Variants in NRG1 observed in about 807,000 individuals in gnomAD.
NRG1 encodes neuregulin 1, also known as pro-neuregulin-1, membrane-bound isoform.
In NRG1, 18 loss-of-function variants were observed where a neutral mutation model predicts 63.8. The ratio of observed to expected loss-of-function variants is 0.28; its 90% CI spans 0.19 to 0.42. The LOEUF (loss-of-function observed/expected upper bound fraction) is 0.42, where lower values mean the gene tolerates loss of function less well. Among genes scored for constraint, NRG1 ranks in the 10% least tolerant of loss-of-function variants. The pLI, the probability that NRG1 is intolerant of heterozygous loss-of-function variation, is 1.00. For missense variants in NRG1, 762 were observed against 814.7 expected (o/e 0.94, Z 0.79); for synonymous variants, 302 against 301.3 (o/e 1.00, Z -0.02).
intron 1 of NRG1, among the ~76,000 whole-genome samples, chr8:32,358,839 A>G (rs1806824050): frequency 1.3e-5 from 2 of 152,178 alleles, no homozygotes; most frequent in South Asian, 2.1e-4. Context: ...ACACTTAAAG[A>G]TCAAGAAGAA....
intron 1 of NRG1, among the ~76,000 whole-genome samples, chr8:31,981,731 TG>T (rs1251493091): frequency 1.3e-5 from 2 of 152,068 alleles, no homozygotes; most frequent in East Asian, 3.9e-4. Flanking sequence ...AAAAACAGCA[TG>T]GTCATGGGGT....
intron 1 of NRG1, among the ~76,000 whole-genome samples, chr8:31,995,961 T>C (rs1811900087): frequency 6.6e-6 from 1 of 151,998 alleles, no homozygotes; most frequent in Admixed American, 6.6e-5. Context: ...CAAAGCCCCT[T>C]TGAAATGCTA....
chr8:32,390,158 G>A (rs568934868), intron 1 of NRG1, among the ~76,000 whole-genome samples: 44 of 152,050 alleles, frequency 2.9e-4, no homozygotes, highest in Non-Finnish European at 5.6e-4. Context: ...CTTAAAAGAC[G>A]CCATGTTCTC....
intron 1 of NRG1, among the ~76,000 whole-genome samples, chr8:31,831,932 C>T (rs941765853): frequency 6.6e-6 from 1 of 152,110 alleles, no homozygotes; most frequent in Non-Finnish European, 1.5e-5. Context: ...CAAAGGATGA[C>T]AATGACCATA....
chr8:32,283,628 G>T (rs1325464954), intron 1 of NRG1, among the ~76,000 whole-genome samples: 1 of 152,160 alleles, frequency 6.6e-6, no homozygotes, highest in Non-Finnish European at 1.5e-5. Context: ...AGATTAAGAG[G>T]TAGAGGAACA....
At chr8:32,603,344 C>A (rs1304634049) in intron 2 of NRG1, among the ~76,000 whole-genome samples, 1 of 152,158 alleles carries the variant, frequency 6.6e-6, no homozygotes, top group African/African-American at 2.4e-5. Flanking sequence ...CTGAGAAATC[C>A]TGTGAGATTA....
chr8:32,048,394 CATGTACATGAATATGAATAT>C (rs1266582621), intron 1 of NRG1, among the ~76,000 whole-genome samples: 2 of 142,326 alleles, frequency 1.4e-5, no homozygotes, highest in African/African-American at 5.2e-5. Flanking sequence ...AATATATATA[CATGTACATGAATATGAATAT>C]ATGTACATGC....
chr8:32,767,986 A>C (rs1365180554), downstream of NRG1: 2 of 152,250 alleles, frequency 1.3e-5, no homozygotes, highest in African/African-American at 4.8e-5. Flanking sequence ...AGCAGACTAC[A>C]GCTTCAGTCT....
chr8:32,698,215 A>AT (rs1387645502), intron 5 of NRG1, among the ~76,000 whole-genome samples: 56 of 151,760 alleles, frequency 3.7e-4, no homozygotes, highest in African/African-American at 1.2e-3. Context: ...AAAAAAAAAA[A>AT]ATATATGAAA....
At chr8:32,654,623 T>G (rs112978289) in intron 5 of NRG1, among the ~76,000 whole-genome samples, 1 of 77,342 alleles carries the variant, frequency 1.3e-5, no homozygotes, top group African/African-American at 4.2e-5. Flanking sequence ...AGTCAGACTC[T>G]GCCTCAAAAA....
At chr8:32,283,852 A>G (rs1249696465) in intron 1 of NRG1, among the ~76,000 whole-genome samples, 1 of 152,132 alleles carries the variant, frequency 6.6e-6, no homozygotes, top group African/African-American at 2.4e-5. Context: ...TCTGTTGATG[A>G]TGCATCCACC....
chr8:31,859,766 A>G lies in NRG1; in HGVS notation c.37+220335A>G, dbSNP rs1259598598. Among the ~76,000 whole-genome samples, 4 of 152,246 alleles carry G rather than the reference A, an allele frequency of 2.6e-5. No homozygotes were observed. The South Asian group carries it at 8.3e-4, about 31-fold the overall frequency. On this transcript the variant is annotated intron_variant, in intron 1 of 10. Transcript: ENST00000519301. ...GAGTTCTTGTTCTATCTTTCAGCAAATGAAGATGCTAATTGTCTTTATTCT... is the reference window on the plus strand; with the variant it reads ...GAGTTCTTGTTCTATCTTTCAGCAAGTGAAGATGCTAATTGTCTTTATTCT...
At chr8:32,593,411 T>C (rs1842835826) in intron 1 of NRG1, among the ~76,000 whole-genome samples, 1 of 151,960 alleles carries the variant, frequency 6.6e-6, no homozygotes, top group African/African-American at 2.4e-5. Flanking sequence ...CCCAACATTC[T>C]GGGAGGCCAA....
chr8:32,179,064 A>G (rs1006372341), intron 1 of NRG1, among the ~76,000 whole-genome samples: 1 of 151,992 alleles, frequency 6.6e-6, no homozygotes, highest in African/African-American at 2.4e-5. Context: ...TTTCAGACTC[A>G]TTACTCAAAA....
intron 1 of NRG1, among the ~76,000 whole-genome samples, chr8:32,532,164 G>T (rs1027162495): frequency 1.3e-5 from 2 of 152,126 alleles, no homozygotes; most frequent in African/African-American, 4.8e-5. Flanking sequence ...TTTTCAAGAA[G>T]TAATATTTAC....
intron 1 of NRG1, among the ~76,000 whole-genome samples, chr8:31,924,350 C>A (rs1435013825): frequency 1.4e-5 from 2 of 145,810 alleles, no homozygotes; most frequent in Non-Finnish European, 3.0e-5. Context: ...GACTCCATCT[C>A]AAAAAAAAAA....
chr8:31,643,363 T>A (rs7017577), intron 1 of NRG1, among the ~76,000 whole-genome samples: 109,058 of 152,172 alleles, frequency 0.72, 39,237 homozygotes, highest in East Asian at 0.88. Context: ...TCTCAGCTGC[T>A]GTGTTGTTTC....
intron 1 of NRG1, among the ~76,000 whole-genome samples, chr8:31,897,659 C>T (rs886296761): frequency 6.6e-6 from 1 of 152,126 alleles, no homozygotes; most frequent in Non-Finnish European, 1.5e-5. Flanking sequence ...TTGACCCAGA[C>T]ATTCCCTTCT....
intron 1 of NRG1, among the ~76,000 whole-genome samples, chr8:32,305,491 G>C (rs1856084540): frequency 6.6e-6 from 1 of 152,120 alleles, no homozygotes; most frequent in South Asian, 2.1e-4. Flanking sequence ...TTAGTCTAGT[G>C]CTGAAGAGTT....
Sources: gnomAD v4.1 joint callset for allele counts (sites outside exome capture counted in the v4.1 genomes callset) on GRCh38, gnomAD v4.1.1 for gene constraint, MANE v1.5 for transcripts, NCBI Gene and HGNC (gene_info 2026-07-23, HGNC 2026-07-21) for gene names.